Variants in ARHGAP31 observed in about 807,000 individuals in gnomAD.
ARHGAP31 encodes the protein Rho GTPase activating protein 31, also known as rho GTPase-activating protein 31.
Under a neutral mutation model 113.9 loss-of-function variants are expected in ARHGAP31, and 34 were observed. The observed-to-expected ratio is 0.30, with a 90% CI of 0.23 to 0.40. The LOEUF (loss-of-function observed/expected upper bound fraction) is 0.40, where lower values mean the gene tolerates loss of function less well. Ranked by LOEUF, ARHGAP31 falls within the 10% of genes least tolerant of loss-of-function variation. The pLI, the probability that ARHGAP31 is intolerant of heterozygous loss-of-function variation, is 1.00. For synonymous variants in ARHGAP31, 650 were observed against 684.8 expected (o/e 0.95, Z 0.79); for missense variants, 1,548 against 1,767.1 (o/e 0.88, Z 2.22).
intron 3 of ARHGAP31, among the ~76,000 whole-genome samples, chr3:119,380,591 T>C (rs2080388232): frequency 6.6e-6 from 1 of 151,570 alleles, no homozygotes; most frequent in African/African-American, 2.4e-5. Flanking sequence ...AGTCTCTGTA[T>C]CTCTCTACCC....
rs146287850 is a variant in ARHGAP31 at position 119,330,042 on chromosome 3, T to C, written c.100+35038T>C. ...TTGCCAGTTGCTTCATAAAACCAAC[T>C]AGTGTGGTAGATATTTCCATTCAAT... On this transcript the variant is annotated intron_variant, in intron 1 of 11. Transcript: ENST00000264245. 15 of 963,366 alleles carry C rather than the reference T, an allele frequency of 1.6e-5. 1 individual carries two copies. The African/African-American group carries it at 2.6e-4, about 17-fold the overall frequency. 59.7% of individuals were successfully genotyped at this position (963,366 alleles called of 1,614,324 possible).
At position 119,414,204 on chromosome 3, in the gene ARHGAP31, C is replaced by A. The variant is rs1283967099; in HGVS notation, c.2275C>A (p.Pro759Thr). 3.1e-6 allele frequency: 5 copies of A among 1,614,162 alleles called. No homozygotes were observed. Among genetic ancestry groups the A allele is most frequent in the Non-Finnish European group, 4.2e-6 (5 of 1,180,030 alleles). The change falls in exon 12 of 12, where the codon CCT (proline) becomes ACT (threonine). Residue 759 changes from proline (P) to threonine (T), a missense_variant. Pro to Thr is a conservative substitution (Grantham distance 38, BLOSUM62 -1). Coordinates refer to ENST00000264245, the MANE Select transcript of ARHGAP31 (RefSeq NM_020754.4). The stretch of plus-strand genomic sequence containing the variant: ...CAGCCTGGCTCCTCTGGAAATAGTT[C>A]CTTTTGAGAAGGCATCTCCACAAGC... ...LASLAPLEIVPFEKASPQATV... is the reference protein window; with the variant it reads ...LASLAPLEIVTFEKASPQATV...
chr3:119,312,621 T>C (rs960674348), intron 1 of ARHGAP31, among the ~76,000 whole-genome samples: 1 of 152,228 alleles, frequency 6.6e-6, no homozygotes. Flanking sequence ...AAGCAATTGT[T>C]AAAAACAACA....
intron 3 of ARHGAP31, among the ~76,000 whole-genome samples, chr3:119,370,295 A>G (rs1230025775): frequency 6.6e-6 from 1 of 152,228 alleles, no homozygotes; most frequent in Non-Finnish European, 1.5e-5. Context: ...ACATTATGAA[A>G]AATGAAGGAA....
intron 6 of ARHGAP31, among the ~76,000 whole-genome samples, chr3:119,388,638 G>T (rs937129948): frequency 6.6e-6 from 1 of 152,062 alleles, no homozygotes; most frequent in Non-Finnish European, 1.5e-5. Flanking sequence ...GCTGGGTTCC[G>T]GATGTATTTT....
chr3:119,388,470 T>C (rs1364439038), intron 6 of ARHGAP31, among the ~76,000 whole-genome samples: 4 of 152,010 alleles, frequency 2.6e-5, no homozygotes, highest in African/African-American at 9.7e-5. Flanking sequence ...TTGGAGGGTT[T>C]TGAGCAGGCC....
intron 1 of ARHGAP31, among the ~76,000 whole-genome samples, chr3:119,324,626 A>G (rs575028802): frequency 1.3e-5 from 2 of 149,042 alleles, no homozygotes; most frequent in Admixed American, 6.6e-5. Flanking sequence ...CTATTAAAAG[A>G]AACAAACAAA....
chr3:119,394,429 A>G lies in ARHGAP31; in HGVS notation c.1006+838A>G, dbSNP rs558750111. On this transcript the variant is annotated intron_variant, in intron 8 of 11. Coordinates refer to ENST00000264245, the MANE Select transcript of ARHGAP31 (RefSeq NM_020754.4). ...ATTTCTGAGTAGTGCATAGAAATTG[A>G]TACAGGAAGGAACTGAGGGAACCAT... 4.6e-5 allele frequency among the ~76,000 whole-genome samples: 7 copies of G among 152,346 alleles called. No individual in the cohort carries two copies. The East Asian group carries it at 1.3e-3, about 29-fold the overall frequency.
chr3:119,331,806 T>C (rs779872073), intron 1 of ARHGAP31, among the ~76,000 whole-genome samples: 2 of 152,182 alleles, frequency 1.3e-5, no homozygotes. Context: ...AGAAACCTCA[T>C]AGGGCAGCTA....
chr3:119,324,058 T>TTGCCATCCCTGCCATCCC (rs201106743), intron 1 of ARHGAP31, among the ~76,000 whole-genome samples: 1 of 152,098 alleles, frequency 6.6e-6, no homozygotes, highest in Admixed American at 6.5e-5. Flanking sequence ...AGTGGGGCTC[T>TTGCCATCCCTGCCATCCC]TGCCATCCCT....
rs1283989107 is a variant in ARHGAP31, at chr3:119,409,831, C to T, written c.1926+55C>T. On this transcript the variant is annotated intron_variant, in intron 11 of 11. Transcript: ENST00000264245. ...AGGTGGAGTTATTTTTTCCCAAGGG[C>T]TCTTGGTACAATTTAAAGTAAATTG... 2.7e-6 allele frequency: 4 copies of T among 1,504,294 alleles called. No individual in the cohort carries two copies. In the African/African-American group the frequency reaches 4.2e-5, roughly 16 times the overall value. 93.2% of individuals were successfully genotyped at this position (1,504,294 alleles called of 1,614,324 possible).
chr3:119,392,924 A>G (rs2107636549), intron 7 of ARHGAP31, among the ~76,000 whole-genome samples: 1 of 152,200 alleles, frequency 6.6e-6, no homozygotes, highest in South Asian at 2.1e-4. Context: ...CTAGGTGCAT[A>G]TGGTCTTTAG....
chr3:119,294,836 G>T lies in ARHGAP31; in HGVS notation c.-69G>T. 1.4e-6 allele frequency: 2 copies of T among 1,422,468 alleles called. No homozygotes were observed. Among genetic ancestry groups the T allele is most frequent in the Admixed American group, 3.4e-5 (2 of 59,680 alleles). 88.1% of individuals were successfully genotyped at this position (1,422,468 alleles called of 1,614,324 possible). On this transcript the variant is annotated 5_prime_UTR_variant, in exon 1 of 12. Coordinates refer to ENST00000264245, the MANE Select transcript of ARHGAP31 (RefSeq NM_020754.4). ...GGGCAGCCGGTGATCTAGCCCGGGAGCCCATCTTACAGCGGTGCCAAGCAG... is the reference window on the plus strand; with the variant it reads ...GGGCAGCCGGTGATCTAGCCCGGGATCCCATCTTACAGCGGTGCCAAGCAG...
rs907782102 is a variant in ARHGAP31 at position 119,369,954 on chromosome 3, A to T, written c.348+1438A>T. Among the ~76,000 whole-genome samples, 10 of 114,828 alleles carry T rather than the reference A, an allele frequency of 8.7e-5. 1 individual carries two copies. Among genetic ancestry groups the T allele is most frequent in the South Asian group, 5.5e-4 (2 of 3,656 alleles). The allele number at this position is 114,828 out of a possible 152,430, so 75.3% of individuals were successfully genotyped here. A position where few individuals can be genotyped will look rare whatever the true frequency, so the allele number is the denominator to read the frequency against. On this transcript the variant is annotated intron_variant, in intron 3 of 11. Transcript: ENST00000264245. ...GAAATAGGGGGAGAAATGAAGATTT[A>T]AAAAAAAAAGAAAAGAAAGAAAAAA... is the stretch of plus-strand genomic sequence containing the variant.
chr3:119,368,167 C>T (rs750016234), intron 2 of ARHGAP31, among the ~76,000 whole-genome samples: 5 of 152,150 alleles, frequency 3.3e-5, no homozygotes, highest in Non-Finnish European at 7.3e-5. Flanking sequence ...CTAATCACAG[C>T]AGATTTTGCA....
chr3:119,303,066 T>G (rs1248167282), intron 1 of ARHGAP31, among the ~76,000 whole-genome samples: 1 of 152,230 alleles, frequency 6.6e-6, no homozygotes. Flanking sequence ...CCCAATTTGT[T>G]ATGCATTCTA....
At chr3:119,370,008 A>ACAT (rs1450761248) in intron 3 of ARHGAP31, among the ~76,000 whole-genome samples, 5 of 152,216 alleles carry the variant, frequency 3.3e-5, no homozygotes, top group Admixed American at 3.3e-4. Context: ...AAAAATGGGC[A>ACAT]TAAATGTTGA....
At chr3:119,335,360 A>T (rs77048089) in intron 1 of ARHGAP31, among the ~76,000 whole-genome samples, 2,886 of 152,310 alleles carry the variant, frequency 0.019, 95 homozygotes, top group African/African-American at 0.064. Context: ...AAGTCTTTTT[A>T]AAAATAGCAC....
rs371290563 is a variant in ARHGAP31, at chr3:119,414,573, G to A, written c.2644G>A (p.Val882Ile). The A allele has an allele frequency of 1.9e-6, 3 of 1,614,228 alleles. No individual in the cohort carries two copies. The highest frequency in any genetic ancestry group is 2.5e-6 in the Non-Finnish European group (3 of 1,180,042). Residue 882 changes from valine (V) to isoleucine (I), a missense_variant, in exon 12 of 12, where the codon GTA (valine) becomes ATA (isoleucine). Transcript: ENST00000264245. ...SQEEEDVTHS[V>I]QEPSDCDEDD... ...AGAAGAGGAGGATGTAACCCATTCAGTACAGGAGCCTTCAGACTGTGACGA... is the reference window on the plus strand; with the variant it reads ...AGAAGAGGAGGATGTAACCCATTCAATACAGGAGCCTTCAGACTGTGACGA...
Sources: allele counts gnomAD v4.1 joint callset (sites outside exome capture counted in the v4.1 genomes callset), GRCh38; gene constraint gnomAD v4.1.1; transcripts MANE v1.5; gene names NCBI Gene and HGNC (gene_info 2026-07-23, HGNC 2026-07-21).